Variants in PPP1R3A observed in about 807,000 individuals in gnomAD.
PPP1R3A encodes RG1.
Under a neutral mutation model 41.7 loss-of-function variants are expected in PPP1R3A, and 29 were observed. That is an observed-to-expected ratio of 0.70 (90% CI 0.52 to 0.95). The LOEUF (loss-of-function observed/expected upper bound fraction) is 0.95, where lower values mean the gene tolerates loss of function less well. Ranked by LOEUF, PPP1R3A falls within the 40% of genes least tolerant of loss-of-function variation. The probability of loss-of-function intolerance (pLI) is 0.00; values close to 1 mark genes in which losing one functional copy is unlikely to be tolerated. For missense variants in PPP1R3A, 1,352 were observed against 1,292.4 expected (o/e 1.05, Z -0.71); for synonymous variants, 485 against 453.4 (o/e 1.07, Z -0.89).
At chr7:113,909,305 A>G (rs990894054) in intron 1 of PPP1R3A, among the ~76,000 whole-genome samples, 1 of 151,830 alleles carries the variant, frequency 6.6e-6, no homozygotes, top group Non-Finnish European at 1.5e-5. Flanking sequence ...CAAGAATTCT[A>G]ATATAGCTAT....
intron 1 of PPP1R3A, among the ~76,000 whole-genome samples, chr7:113,913,560 A>G (rs1797288241): frequency 6.6e-6 from 1 of 152,168 alleles, no homozygotes; most frequent in Non-Finnish European, 1.5e-5. Context: ...CAAGTTATAA[A>G]TACCATCAAA....
chr7:113,883,349 A>T (rs1490864273), intron 1 of PPP1R3A, among the ~76,000 whole-genome samples: 2 of 152,042 alleles, frequency 1.3e-5, no homozygotes, highest in African/African-American at 4.8e-5. Context: ...ACTTCATTGC[A>T]TGAGCAATTC....
intron 1 of PPP1R3A, among the ~76,000 whole-genome samples, chr7:113,905,911 A>C (rs1797138282): frequency 6.6e-6 from 1 of 151,764 alleles, no homozygotes; most frequent in Non-Finnish European, 1.5e-5. Flanking sequence ...AGCCTATTGG[A>C]TGTTTCTTGT....
At chr7:113,892,844 TC>T (rs1182650977) in intron 1 of PPP1R3A, among the ~76,000 whole-genome samples, 1 of 152,052 alleles carries the variant, frequency 6.6e-6, no homozygotes, top group Non-Finnish European at 1.5e-5. Flanking sequence ...GTCTTTATAT[TC>T]TTCTATGCTG....
At position 113,878,055 on chromosome 7, in the gene PPP1R3A, A is replaced by C. The variant is rs1210436596; in HGVS notation, c.3037T>G (p.Leu1013Val). ...SVEKSLGPMI[L>V]INKPLENMEE... ...ATATTCTCAAGAGGTTTGTTGATTA[A>C]AATCATTGGCCCTAGAGATTTTTCC... Residue 1013 changes from leucine to valine, a missense_variant, in exon 4 of 4, where the codon TTA becomes GTA. Transcript: ENST00000284601. 1 of 1,613,300 alleles carries C rather than the reference A, an allele frequency of 6.2e-7. No homozygotes were observed. The highest frequency in any genetic ancestry group is 8.5e-7 in the Non-Finnish European group (1 of 1,179,618).
intron 1 of PPP1R3A, among the ~76,000 whole-genome samples, chr7:113,892,622 G>A (rs1796911782): frequency 6.6e-6 from 1 of 152,006 alleles, no homozygotes. Flanking sequence ...GATTAAAAGA[G>A]GGATCAGTGT....
intron 1 of PPP1R3A, among the ~76,000 whole-genome samples, chr7:113,899,893 C>G (rs1797035419): frequency 6.6e-6 from 1 of 151,698 alleles, no homozygotes; most frequent in African/African-American, 2.4e-5. Flanking sequence ...AGTAAAAATA[C>G]TCTGCTATTA....
At chr7:113,905,966 CAATA>C (rs1797139209) in intron 1 of PPP1R3A, among the ~76,000 whole-genome samples, 2 of 151,700 alleles carry the variant, frequency 1.3e-5, no homozygotes, top group African/African-American at 4.8e-5. Context: ...AAAGGCTGAT[CAATA>C]AATATTTCTT....
intron 1 of PPP1R3A, among the ~76,000 whole-genome samples, chr7:113,883,340 C>T (rs1000785012): frequency 6.6e-6 from 1 of 152,004 alleles, no homozygotes; most frequent in Non-Finnish European, 1.5e-5. Context: ...AGAGTCTAGA[C>T]TTCATTGCAT....
chr7:113,879,365 G>T lies in PPP1R3A; in HGVS notation c.1727C>A (p.Ala576Glu). ...LSEHTAIPTR[A>E]ITADVSHSPR... Reference sequence around the variant, plus strand: ...TGAATGAGACACATCTGCTGTGATTGCCCGGGTGGGGATTGCGGTATGTTC... The same window carrying T: ...TGAATGAGACACATCTGCTGTGATTTCCCGGGTGGGGATTGCGGTATGTTC... The change falls in exon 4 of 4, where the codon GCA (alanine) becomes GAA (glutamate). Residue 576 changes from alanine (A) to glutamate (E), a missense_variant. Coordinates refer to ENST00000284601, the MANE Select transcript of PPP1R3A (RefSeq NM_002711.4). 2 of 1,613,544 alleles carry T rather than the reference G, an allele frequency of 1.2e-6. No homozygotes were observed. Among genetic ancestry groups the T allele is most frequent in the Non-Finnish European group, 1.7e-6 (2 of 1,179,702 alleles).
rs569912735 is a variant in PPP1R3A, at chr7:113,910,950, A to T, written c.782+7265T>A. On this transcript the variant is annotated intron_variant, in intron 1 of 3. Transcript: ENST00000284601. ...CCTTTTTACTACTGCAAATTTCAAAAGGTGTAAATAAAAATCAAAACCATG... is the reference window on the plus strand; with the variant it reads ...CCTTTTTACTACTGCAAATTTCAAATGGTGTAAATAAAAATCAAAACCATG... 5.9e-5 allele frequency among the ~76,000 whole-genome samples: 9 copies of T among 152,238 alleles called. No homozygotes were observed. In the East Asian group the frequency reaches 1.7e-3, roughly 30 times the overall value.
At chr7:113,905,554 C>A (rs1159970950) in intron 1 of PPP1R3A, among the ~76,000 whole-genome samples, 1 of 151,754 alleles carries the variant, frequency 6.6e-6, no homozygotes, top group Non-Finnish European at 1.5e-5. Flanking sequence ...TATCAAAAAC[C>A]ATTTTAAAAT....
chr7:113,899,461 C>T (rs1797029316), intron 1 of PPP1R3A, among the ~76,000 whole-genome samples: 1 of 151,782 alleles, frequency 6.6e-6, no homozygotes, highest in Admixed American at 6.6e-5. Flanking sequence ...CTGAATGTCC[C>T]ACATCCTTAA....
intron 1 of PPP1R3A, among the ~76,000 whole-genome samples, chr7:113,898,383 G>A (rs1277206836): frequency 6.6e-6 from 1 of 151,732 alleles, no homozygotes; most frequent in Non-Finnish European, 1.5e-5. Context: ...TTTTGTTTGA[G>A]TCCTGAGGGC....
rs1796577657 is a variant in PPP1R3A, at chr7:113,877,047, A to G, written c.*676T>C. On this transcript the variant is annotated 3_prime_UTR_variant, in exon 4 of 4. Transcript: ENST00000284601. ...CAGAATTTTTCAGAATTGAAAGATA[A>G]TCTCCCAATTGTTTCAGTCTTGTCA... 2 of 151,922 alleles carry G rather than the reference A, an allele frequency of 1.3e-5. No individual in the cohort carries two copies. The allele number at this position is 151,922 out of a possible 1,614,324, so 9.4% of individuals were successfully genotyped here. A position where few individuals can be genotyped will look rare whatever the true frequency, so the allele number is the denominator to read the frequency against.
At chr7:113,893,589 A>G (rs1259400635) in intron 1 of PPP1R3A, among the ~76,000 whole-genome samples, 2 of 152,050 alleles carry the variant, frequency 1.3e-5, no homozygotes, top group East Asian at 3.9e-4. Context: ...TAATTTATTA[A>G]TTTTAAAATG....
Position 113,879,386 on chromosome 7 carries a change from T to C in PPP1R3A, c.1706A>G (p.His569Arg). Reference protein sequence around the residue: ...NRDLATLLSEHTAIPTRAITA... With the variant: ...NRDLATLLSERTAIPTRAITA... ...GATTGCCCGGGTGGGGATTGCGGTATGTTCGCTCAGCAGAGTAGCCAGGTC... is the reference window on the plus strand; with the variant it reads ...GATTGCCCGGGTGGGGATTGCGGTACGTTCGCTCAGCAGAGTAGCCAGGTC... The change falls in exon 4 of 4, where the codon CAT becomes CGT. Residue 569 changes from histidine to arginine, a missense_variant. By Grantham distance (29) the His-to-Arg change is conservative. Transcript: ENST00000284601. The C allele has an allele frequency of 2.5e-6, 4 of 1,613,596 alleles. No individual in the cohort carries two copies. Among genetic ancestry groups the C allele is most frequent in the Non-Finnish European group, 8.5e-7 (1 of 1,179,726 alleles).
Position 113,879,922 on chromosome 7 carries a change from G to C in PPP1R3A, c.1170C>G (p.Cys390Trp). The C allele has an allele frequency of 6.2e-7, 1 of 1,613,504 alleles. No individual in the cohort carries two copies. Among genetic ancestry groups the C allele is most frequent in the East Asian group, 2.2e-5 (1 of 44,830 alleles). The change falls in exon 4 of 4, where the codon TGC becomes TGG. Residue 390 changes from cysteine to tryptophan, a missense_variant. Physicochemically the swap from Cys to Trp is radical, Grantham distance 215. Coordinates refer to ENST00000284601, the MANE Select transcript of PPP1R3A (RefSeq NM_002711.4). ...AESSVKGDFY[C>W]NEKYSSGDDC... is the part of the protein sequence containing the mutation. ...CATCTCCTGAGGAATATTTTTCATT[G>C]CAGTAAAAATCTCCCTTTACGGAGC...
At chr7:113,917,383 T>G (rs1797358076) in intron 1 of PPP1R3A, among the ~76,000 whole-genome samples, 1 of 152,050 alleles carries the variant, frequency 6.6e-6, no homozygotes, top group Non-Finnish European at 1.5e-5. Flanking sequence ...TTACCTAGTG[T>G]CACAGAAATT....
Sources: allele counts gnomAD v4.1 joint callset (sites outside exome capture counted in the v4.1 genomes callset), GRCh38; gene constraint gnomAD v4.1.1; transcripts MANE v1.5; gene names NCBI Gene and HGNC (gene_info 2026-07-23, HGNC 2026-07-21).